PCDH9: variants seen among roughly 807,000 people sequenced by gnomAD.
PCDH9 encodes protocadherin-9.
Under a neutral mutation model 70.6 loss-of-function variants are expected in PCDH9, and 24 were observed. The ratio of observed to expected loss-of-function variants is 0.34; its 90% CI spans 0.25 to 0.48. The LOEUF is 0.48. Ranked by LOEUF, PCDH9 falls within the 20% of genes least tolerant of loss-of-function variation. The pLI is 0.99. For missense variants in PCDH9, 1,281 were observed against 1,503.6 expected (o/e 0.85, Z 2.45); for synonymous variants, 562 against 558.5 (o/e 1.01, Z -0.09).
intron 3 of PCDH9, among the ~76,000 whole-genome samples, chr13:66,877,723 G>A (rs2139527754): frequency 6.6e-6 from 1 of 152,154 alleles, no homozygotes; most frequent in South Asian, 2.1e-4. Flanking sequence ...TACCTTTCAG[G>A]TACACAATGT....
At chr13:66,562,660 G>A (rs904079846) in intron 4 of PCDH9, among the ~76,000 whole-genome samples, 15 of 152,042 alleles carry the variant, frequency 9.9e-5, no homozygotes, top group African/African-American at 1.4e-4. Context: ...ACCTCCCACC[G>A]GGTCCCTCCC....
intron 4 of PCDH9, among the ~76,000 whole-genome samples, chr13:66,330,184 T>C (rs1955918531): frequency 6.6e-6 from 1 of 152,246 alleles, no homozygotes; most frequent in African/African-American, 2.4e-5. Context: ...ATTTTGATAG[T>C]CTCTTCCTGT....
chr13:66,962,068 AC>A (rs1372485824), intron 2 of PCDH9, among the ~76,000 whole-genome samples: 4 of 151,928 alleles, frequency 2.6e-5, no homozygotes, highest in African/African-American at 7.2e-5. Flanking sequence ...AAAAAACAAA[AC>A]AAAAAAAAAA....
intron 2 of PCDH9, among the ~76,000 whole-genome samples, chr13:66,929,630 T>C (rs2082774294): frequency 6.6e-6 from 1 of 152,266 alleles, no homozygotes; most frequent in East Asian, 1.9e-4. Context: ...AGCTGACTTA[T>C]TAAATTTTTT....
intron 4 of PCDH9, among the ~76,000 whole-genome samples, chr13:66,512,293 T>C (rs1959516131): frequency 2.0e-5 from 3 of 149,908 alleles, no homozygotes; most frequent in African/African-American, 4.9e-5. Context: ...TATATATATA[T>C]ATATATATAT....
intron 2 of PCDH9, among the ~76,000 whole-genome samples, chr13:66,945,498 TG>T (rs1397830678): frequency 2.0e-5 from 3 of 152,206 alleles, no homozygotes; most frequent in Non-Finnish European, 4.4e-5. Context: ...CCTAAAATAC[TG>T]TTACTTACTT....
chr13:66,862,604 A>G (rs2081503296), intron 3 of PCDH9, among the ~76,000 whole-genome samples: 1 of 152,168 alleles, frequency 6.6e-6, no homozygotes. Flanking sequence ...TGCTAGTTTT[A>G]TAGTAGTGCA....
intron 2 of PCDH9, among the ~76,000 whole-genome samples, chr13:67,181,188 T>G (rs1422973707): frequency 2.0e-5 from 3 of 152,310 alleles, no homozygotes; most frequent in East Asian, 3.9e-4. Flanking sequence ...TATGAAAAGC[T>G]TAAGTCAAAA....
At chr13:66,513,468 T>TA (rs1245916617) in intron 4 of PCDH9, among the ~76,000 whole-genome samples, 2 of 152,102 alleles carry the variant, frequency 1.3e-5, no homozygotes, top group Non-Finnish European at 2.9e-5. Context: ...GCAGTGTTTT[T>TA]ATGCCCTTGT....
chr13:66,384,734 G>C (rs1008036520), intron 4 of PCDH9, among the ~76,000 whole-genome samples: 10 of 152,078 alleles, frequency 6.6e-5, no homozygotes, highest in African/African-American at 2.4e-4. Flanking sequence ...GCACAATCTT[G>C]GCTCAATACA....
At chr13:67,134,929 G>T (rs989305601) in intron 2 of PCDH9, among the ~76,000 whole-genome samples, 1 of 152,072 alleles carries the variant, frequency 6.6e-6, no homozygotes, top group African/African-American at 2.4e-5. Flanking sequence ...CATAGAAACT[G>T]TAAAGGAGCT....
chr13:66,695,649 C>T (rs1041112096), intron 3 of PCDH9, among the ~76,000 whole-genome samples: 2 of 152,118 alleles, frequency 1.3e-5, no homozygotes, highest in Non-Finnish European at 2.9e-5. Flanking sequence ...ACCAATATAG[C>T]TTCTCTTTTC....
intron 4 of PCDH9, among the ~76,000 whole-genome samples, chr13:66,512,248 A>G (rs980347977): frequency 6.7e-6 from 1 of 149,750 alleles, no homozygotes; most frequent in African/African-American, 2.4e-5. Flanking sequence ...AAAAATTAAT[A>G]TATCTAACAA....
intron 3 of PCDH9, among the ~76,000 whole-genome samples, chr13:66,760,458 T>G (rs1270489666): frequency 1.3e-5 from 2 of 152,056 alleles, no homozygotes; most frequent in Admixed American, 1.3e-4. Flanking sequence ...CATTTATGAG[T>G]TCCCCAAATT....
chr13:66,784,512 C>G (rs796644399), intron 3 of PCDH9, among the ~76,000 whole-genome samples: 2 of 152,068 alleles, frequency 1.3e-5, no homozygotes, highest in Admixed American at 1.3e-4. Flanking sequence ...ACTTAGTTTA[C>G]GTTTAGGTAA....
chr13:66,594,617 A>G (rs1161298833), intron 4 of PCDH9, among the ~76,000 whole-genome samples: 2 of 151,482 alleles, frequency 1.3e-5, no homozygotes, highest in African/African-American at 4.8e-5. Context: ...TCACCTAGAT[A>G]TTAAGCCCAG....
At chr13:66,485,413 G>A (rs1408391053) in intron 4 of PCDH9, among the ~76,000 whole-genome samples, 1 of 152,066 alleles carries the variant, frequency 6.6e-6, no homozygotes, top group Non-Finnish European at 1.5e-5. Context: ...TAATATGCTG[G>A]GCTGCTTAAA....
At chr13:66,834,485 T>C (rs2080982677) in intron 3 of PCDH9, among the ~76,000 whole-genome samples, 1 of 152,174 alleles carries the variant, frequency 6.6e-6, no homozygotes, top group South Asian at 2.1e-4. Context: ...GAATGCATTT[T>C]ATACAACTGT....
intron 2 of PCDH9, among the ~76,000 whole-genome samples, chr13:67,039,789 C>T (rs569734198): frequency 2.0e-5 from 3 of 152,170 alleles, no homozygotes; most frequent in East Asian, 3.9e-4. Context: ...TGGTAACCTC[C>T]GACTTTGTAG....
Sources: gnomAD v4.1 joint callset for allele counts (sites outside exome capture counted in the v4.1 genomes callset) on GRCh38, gnomAD v4.1.1 for gene constraint, MANE v1.5 for transcripts, NCBI Gene and HGNC (gene_info 2026-07-23, HGNC 2026-07-21) for gene names.